The following KCNJ3 variants were observed in gnomAD, a reference collection of about 807,000 sequenced individuals.
KCNJ3 encodes G protein-activated inward rectifier potassium channel 1.
KCNJ3 carries 4 observed loss-of-function variants against 39.2 expected under a neutral mutation model. That is an observed-to-expected ratio of 0.10 (90% CI 0.05 to 0.23). KCNJ3 has a LOEUF of 0.23. Ranked by LOEUF, KCNJ3 falls within the 10% of genes least tolerant of loss-of-function variation. KCNJ3 has a pLI of 1.00. For missense variants in KCNJ3, 276 were observed against 634.9 expected (o/e 0.43, Z 6.08); for synonymous variants, 230 against 237.4 (o/e 0.97, Z 0.29).
At chr2:154,764,359 G>T (rs1031286953) in intron 2 of KCNJ3, among the ~76,000 whole-genome samples, 3 of 152,150 alleles carry the variant, frequency 2.0e-5, no homozygotes, top group African/African-American at 4.8e-5. Flanking sequence ...CACAACCATG[G>T]TATGGCCACT....
At chr2:154,758,197 T>G (rs1685975866) in intron 2 of KCNJ3, among the ~76,000 whole-genome samples, 1 of 152,122 alleles carries the variant, frequency 6.6e-6, no homozygotes, top group South Asian at 2.1e-4. Context: ...AATTTCAGAG[T>G]AAGGATTGTT....
chr2:154,721,480 A>C (rs1165319459), intron 2 of KCNJ3, among the ~76,000 whole-genome samples: 2 of 152,186 alleles, frequency 1.3e-5, no homozygotes, highest in Non-Finnish European at 2.9e-5. Context: ...TGCCAATTAA[A>C]ATACTGTTTC....
chr2:154,836,120 G>A (rs1312715459), intron 2 of KCNJ3, among the ~76,000 whole-genome samples: 3 of 149,656 alleles, frequency 2.0e-5, no homozygotes, highest in African/African-American at 7.4e-5. Context: ...TGAGGCAGGA[G>A]AATCACTTGA....
intron 2 of KCNJ3, among the ~76,000 whole-genome samples, chr2:154,798,695 G>A (rs1042486373): frequency 6.6e-6 from 1 of 152,150 alleles, no homozygotes; most frequent in African/African-American, 2.4e-5. Flanking sequence ...AAGGTAGTCT[G>A]CCCTTCTGTA....
At chr2:154,765,970 G>T (rs956564146) in intron 2 of KCNJ3, among the ~76,000 whole-genome samples, 11 of 152,096 alleles carry the variant, frequency 7.2e-5, no homozygotes, top group African/African-American at 2.7e-4. Flanking sequence ...AAACGGTGTG[G>T]CGCCAAACAG....
chr2:154,765,130 T>A (rs965791296), intron 2 of KCNJ3, among the ~76,000 whole-genome samples: 1 of 152,196 alleles, frequency 6.6e-6, no homozygotes, highest in African/African-American at 2.4e-5. Flanking sequence ...CCCACCATAG[T>A]GGCTGTAGCA....
chr2:154,737,972 A>C (rs1685576995), intron 2 of KCNJ3, among the ~76,000 whole-genome samples: 1 of 152,114 alleles, frequency 6.6e-6, no homozygotes, highest in Admixed American at 6.6e-5. Context: ...TACCATGATT[A>C]AATTCGTTAA....
At chr2:154,738,718 ATATCTT>A (rs1182820438) in intron 2 of KCNJ3, among the ~76,000 whole-genome samples, 1 of 152,126 alleles carries the variant, frequency 6.6e-6, no homozygotes, top group African/African-American at 2.4e-5. Context: ...CGGTGGAAAA[ATATCTT>A]TAAAATACTG....
At chr2:154,814,404 G>A (rs984742375) in intron 2 of KCNJ3, among the ~76,000 whole-genome samples, 1 of 152,072 alleles carries the variant, frequency 6.6e-6, no homozygotes, top group Non-Finnish European at 1.5e-5. Flanking sequence ...TTGGGAGGCT[G>A]AGGTGGGCAG....
chr2:154,833,909 G>C (rs567305589), intron 2 of KCNJ3, among the ~76,000 whole-genome samples: 2 of 151,842 alleles, frequency 1.3e-5, no homozygotes, highest in African/African-American at 2.4e-5. Context: ...CTGTTGTATG[G>C]CTGTACCACA....
chr2:154,799,833 T>C (rs1686781028), intron 2 of KCNJ3, among the ~76,000 whole-genome samples: 1 of 152,204 alleles, frequency 6.6e-6, no homozygotes, highest in East Asian at 1.9e-4. Flanking sequence ...AATTTATACC[T>C]GGACAGCATT....
intron 2 of KCNJ3, among the ~76,000 whole-genome samples, chr2:154,823,794 T>C (rs1687222733): frequency 6.6e-6 from 1 of 152,214 alleles, no homozygotes; most frequent in Non-Finnish European, 1.5e-5. Context: ...AAGGTGTTTA[T>C]ATTTTTGTCT....
chr2:154,792,253 C>G (rs935463205), intron 2 of KCNJ3, among the ~76,000 whole-genome samples: 3 of 151,996 alleles, frequency 2.0e-5, no homozygotes, highest in Non-Finnish European at 4.4e-5. Context: ...CTTGGTCTCC[C>G]CATGAGTAGA....
intron 1 of KCNJ3, chr2:154,709,375 T>C (rs567442925): frequency 6.5e-5 from 35 of 542,326 alleles, no homozygotes; most frequent in Non-Finnish European, 1.1e-4. Flanking sequence ...AGTTAGGGAA[T>C]GGTAATTATA....
At position 154,854,605 on chromosome 2, in the gene KCNJ3, C is replaced by T. The variant is rs886225473; in HGVS notation, c.920-122C>T. 29 of 634,198 alleles carry T rather than the reference C, an allele frequency of 4.6e-5. 1 individual carries two copies. The highest frequency in any genetic ancestry group is 7.3e-5 in the African/African-American group (4 of 54,670). The allele number at this position is 634,198 out of a possible 1,614,324, so 39.3% of individuals were successfully genotyped here. A position where few individuals can be genotyped will look rare whatever the true frequency, so the allele number is the denominator to read the frequency against. On this transcript the variant is annotated intron_variant, in intron 2 of 2. Transcript: ENST00000295101. ...ACAACTTTTAATCTATTCTATTATT[C>T]GGGCTTCAGATAAACAGTCCAAAAC...
chr2:154,812,511 A>C (rs540354689), intron 2 of KCNJ3, among the ~76,000 whole-genome samples: 1 of 152,158 alleles, frequency 6.6e-6, no homozygotes, highest in African/African-American at 2.4e-5. Context: ...CTATTGTGAA[A>C]GCTGTAGAAT....
intron 2 of KCNJ3, among the ~76,000 whole-genome samples, chr2:154,831,707 G>A (rs1012412133): frequency 1.3e-5 from 2 of 152,112 alleles, no homozygotes; most frequent in South Asian, 2.1e-4. Flanking sequence ...TACCACCAAG[G>A]TACTGGCAAA....
chr2:154,730,658 T>C (rs1482714912), intron 2 of KCNJ3, among the ~76,000 whole-genome samples: 2 of 152,082 alleles, frequency 1.3e-5, no homozygotes, highest in East Asian at 3.9e-4. Flanking sequence ...TAACTACCAA[T>C]GAATTTTGCA....
intron 2 of KCNJ3, among the ~76,000 whole-genome samples, chr2:154,801,594 T>C (rs564651574): frequency 1.3e-5 from 2 of 149,548 alleles, no homozygotes; most frequent in South Asian, 4.2e-4. Flanking sequence ...TTTCTTTCCC[T>C]TTCTTTCTTT....
Sources: allele counts gnomAD v4.1 joint callset (sites outside exome capture counted in the v4.1 genomes callset), GRCh38; gene constraint gnomAD v4.1.1; transcripts MANE v1.5; gene names NCBI Gene and HGNC (gene_info 2026-07-23, HGNC 2026-07-21).